Variants in CSMD1 observed in about 807,000 individuals in gnomAD.
CSMD1 encodes the protein CUB and sushi domain-containing protein 1.
CSMD1 carries 213 observed loss-of-function variants against 417.5 expected under a neutral mutation model. The observed-to-expected ratio is 0.51, with a 90% CI of 0.46 to 0.57. The LOEUF (loss-of-function observed/expected upper bound fraction) is 0.57. Ranked by LOEUF, CSMD1 falls within the 20% of genes least tolerant of loss-of-function variation. The pLI, the probability that CSMD1 is intolerant of heterozygous loss-of-function variation, is 0.00. For missense variants in CSMD1, 6,923 were observed against 4,529.7 expected (o/e 1.53, Z -15.17); for synonymous variants, 2,862 against 1,736.8 (o/e 1.65, Z -16.11).
chr8:3,417,039 A>G (rs146475157), intron 12 of CSMD1, among the ~76,000 whole-genome samples: 1 of 152,198 alleles, frequency 6.6e-6, no homozygotes, highest in Non-Finnish European at 1.5e-5. Context: ...ATGATTTACC[A>G]AGAGTTTAAA....
chr8:4,383,848 G>T (rs1180993974), intron 3 of CSMD1, among the ~76,000 whole-genome samples: 1 of 151,844 alleles, frequency 6.6e-6, no homozygotes, highest in Non-Finnish European at 1.5e-5. Context: ...TAATAACATG[G>T]AAATAAACAG....
intron 18 of CSMD1, among the ~76,000 whole-genome samples, chr8:3,369,660 T>A (rs1431824100): frequency 1.3e-5 from 2 of 152,078 alleles, no homozygotes; most frequent in Non-Finnish European, 2.9e-5. Flanking sequence ...ATGGTACAGG[T>A]TTGCACTCCT....
intron 1 of CSMD1, among the ~76,000 whole-genome samples, chr8:4,961,424 C>T (rs919549645): frequency 1.3e-5 from 2 of 152,158 alleles, no homozygotes; most frequent in Non-Finnish European, 2.9e-5. Flanking sequence ...AGGCTCTTTA[C>T]TCCTTGAAAT....
intron 1 of CSMD1, among the ~76,000 whole-genome samples, chr8:4,882,825 T>C (rs555372642): frequency 6.6e-6 from 1 of 152,162 alleles, no homozygotes; most frequent in African/African-American, 2.4e-5. Context: ...AGGAAAACTT[T>C]CTACTTTCCT....
At chr8:3,285,115 C>A (rs13281598) in intron 25 of CSMD1, among the ~76,000 whole-genome samples, 3 of 151,874 alleles carry the variant, frequency 2.0e-5, no homozygotes, top group African/African-American at 7.3e-5. Context: ...CTGAATGGGT[C>A]TGATTTACAG....
chr8:3,976,529 TA>T (rs2130134385), intron 5 of CSMD1, among the ~76,000 whole-genome samples: 1 of 152,322 alleles, frequency 6.6e-6, no homozygotes, highest in African/African-American at 2.4e-5. Context: ...TCAAATATAA[TA>T]TCACAAGAGC....
At chr8:3,365,136 G>C (rs1485114980) in intron 20 of CSMD1, among the ~76,000 whole-genome samples, 1 of 152,202 alleles carries the variant, frequency 6.6e-6, no homozygotes, top group South Asian at 2.1e-4. Context: ...AATGCAGAGA[G>C]AGAGGGATTT....
chr8:4,486,156 TACATAC>T (rs1349327447), intron 2 of CSMD1, among the ~76,000 whole-genome samples: 22 of 23,826 alleles, frequency 9.2e-4, no homozygotes, highest in South Asian at 1.3e-3. Flanking sequence ...TATATATATA[TACATAC>T]ATATATATAT....
chr8:3,291,964 A>T (rs1304629087), intron 25 of CSMD1, among the ~76,000 whole-genome samples: 1 of 151,692 alleles, frequency 6.6e-6, no homozygotes, highest in East Asian at 1.9e-4. Flanking sequence ...GTGGGCATTT[A>T]GTGCTATAAA....
At chr8:4,104,351 A>G (rs1303906574) in intron 3 of CSMD1, among the ~76,000 whole-genome samples, 1 of 152,188 alleles carries the variant, frequency 6.6e-6, no homozygotes, top group Admixed American at 6.5e-5. Flanking sequence ...AGGCATTAAG[A>G]CTGCACACTG....
chr8:4,049,731 T>A (rs995953158), intron 3 of CSMD1, among the ~76,000 whole-genome samples: 1 of 152,180 alleles, frequency 6.6e-6, no homozygotes, highest in Non-Finnish European at 1.5e-5. Context: ...AAAATTTGTT[T>A]TAAAGTTTAA....
intron 25 of CSMD1, among the ~76,000 whole-genome samples, chr8:3,306,183 A>T (rs201971787): frequency 6.6e-6 from 1 of 151,876 alleles, no homozygotes; most frequent in East Asian, 1.9e-4. Context: ...TAAGTGTATG[A>T]TATCTATGTG....
chr8:3,048,850 G>A (rs1020704322), intron 50 of CSMD1, among the ~76,000 whole-genome samples: 15 of 150,532 alleles, frequency 1.0e-4, no homozygotes, highest in African/African-American at 3.7e-4. Flanking sequence ...TAAAGAACTG[G>A]TATCTAAACT....
chr8:4,841,399 T>G (rs1167676464), intron 1 of CSMD1, among the ~76,000 whole-genome samples: 2 of 152,216 alleles, frequency 1.3e-5, no homozygotes, highest in African/African-American at 4.8e-5. Flanking sequence ...ACACCTTTTC[T>G]GCCCTTTTTA....
intron 7 of CSMD1, among the ~76,000 whole-genome samples, chr8:3,638,059 G>C (rs6990853): frequency 0.016 from 2,499 of 152,132 alleles, 73 homozygotes; most frequent in African/African-American, 0.054. Context: ...CCTTATAGGA[G>C]CATGGCTTTT....
Position 3,190,119 on chromosome 8 carries a change from G to T in CSMD1, c.5195-4C>A. 6.3e-7 allele frequency: 1 copy of T among 1,579,262 alleles called. No individual in the cohort carries two copies. Among genetic ancestry groups the T allele is most frequent in the East Asian group, 2.3e-5 (1 of 43,202 alleles). On this transcript the variant is annotated splice_polypyrimidine_tract_variant and splice_region_variant and intron_variant, in intron 33 of 69. Transcript: ENST00000635120. The stretch of plus-strand genomic sequence containing the variant: ...GTGTCACTGGTACGAGGAACAGCTA[G>T]AAGCAAAGTACAGAACACAGCCGTC...
At chr8:4,439,500 A>C (rs1798340352) in intron 2 of CSMD1, among the ~76,000 whole-genome samples, 1 of 151,940 alleles carries the variant, frequency 6.6e-6, no homozygotes, top group South Asian at 2.1e-4. Flanking sequence ...GAACAAGCTG[A>C]GATAGCTATA....
intron 3 of CSMD1, among the ~76,000 whole-genome samples, chr8:4,060,334 A>G (rs1448435256): frequency 6.6e-6 from 1 of 152,198 alleles, no homozygotes; most frequent in African/African-American, 2.4e-5. Context: ...CACAGCCGAT[A>G]TCATACTGAA....
intron 3 of CSMD1, among the ~76,000 whole-genome samples, chr8:4,257,548 C>A (rs995142039): frequency 6.6e-6 from 1 of 152,150 alleles, no homozygotes; most frequent in African/African-American, 2.4e-5. Flanking sequence ...CTTTCAATTA[C>A]ATTTTTAAAA....
Sources: gnomAD v4.1 joint callset for allele counts (sites outside exome capture counted in the v4.1 genomes callset) on GRCh38, gnomAD v4.1.1 for gene constraint, MANE v1.5 for transcripts, NCBI Gene and HGNC (gene_info 2026-07-23, HGNC 2026-07-21) for gene names.